ADGRG2: variants seen among roughly 807,000 people sequenced by gnomAD.
ADGRG2 encodes adhesion G protein-coupled receptor G2.
ADGRG2 carries 26 observed loss-of-function variants against 74.1 expected under a neutral mutation model. The ratio of observed to expected loss-of-function variants is 0.35; its 90% CI spans 0.26 to 0.49. ADGRG2 has a LOEUF of 0.49. Among genes scored for constraint, ADGRG2 ranks in the 20% least tolerant of loss-of-function variants. The probability of loss-of-function intolerance (pLI) is 0.99; values close to 1 mark genes in which losing one functional copy is unlikely to be tolerated. For synonymous variants in ADGRG2, 296 were observed against 295.2 expected (o/e 1.00, Z -0.03); for missense variants, 619 against 763.1 (o/e 0.81, Z 2.22).
chrX:19,018,014 GT>G (rs1367244197), intron 15 of ADGRG2, among the ~76,000 whole-genome samples: 5 of 112,117 alleles, frequency 4.5e-5, no homozygotes, highest in African/African-American at 1.6e-4. Context: ...GTCTTTTGCT[GT>G]TTTGGAGCAC....
chrX:19,068,726 A>T lies in ADGRG2; in HGVS notation c.109T>A (p.Ser37Thr), dbSNP rs2061606464. ...AAAACAGACACATTACCTTCCAGGG[A>T]TGTTACCAGAACGACATGAAGACAA... ...IICLHVVLVT[S>T]LEEDTDNSSL... Residue 37 changes from serine (S) to threonine (T), a missense_variant, in exon 3 of 29, where the codon TCC (serine) becomes ACC (threonine). This residue lies in a region of ADGRG2 where 292 missense variants were observed against 318.0 expected (regional missense o/e 0.92). Coordinates refer to ENST00000379869, the MANE Select transcript of ADGRG2 (RefSeq NM_001079858.3). 1 of 992,111 alleles carries T rather than the reference A, an allele frequency of 1.0e-6. No individual in the cohort carries two copies. Among genetic ancestry groups the T allele is most frequent in the Non-Finnish European group, 1.4e-6 (1 of 710,971 alleles). The allele number at this position is 992,111 out of a possible 1,213,427, so 81.8% of individuals were successfully genotyped here.
At chrX:19,080,984 G>A (rs2061837214) in intron 2 of ADGRG2, among the ~76,000 whole-genome samples, 1 of 110,315 alleles carries the variant, frequency 9.1e-6, no homozygotes, top group African/African-American at 3.3e-5. Flanking sequence ...TTACAAGCAA[G>A]ATTCTATGCC....
intron 3 of ADGRG2, 119 bp downstream of exon 3, chrX:19,068,598 A>C: frequency 2.4e-6 from 1 of 409,880 alleles, no homozygotes; most frequent in Non-Finnish European, 4.3e-6. Flanking sequence ...ACACTTAAAA[A>C]TGGTTAAAAT....
chrX:19,103,579 G>C (rs1011578308), intron 1 of ADGRG2, among the ~76,000 whole-genome samples: 20 of 111,441 alleles, frequency 1.8e-4, no homozygotes, highest in Non-Finnish European at 3.0e-4. Flanking sequence ...GGTCTGGATC[G>C]GGACCTCTTT....
At chrX:19,097,339 C>A (rs1173145669) in intron 1 of ADGRG2, among the ~76,000 whole-genome samples, 1 of 112,287 alleles carries the variant, frequency 8.9e-6, no homozygotes, top group Admixed American at 9.4e-5. Context: ...TGGCAAAACC[C>A]CATCTCTACT....
At chrX:19,040,923 A>G (rs972914592) in intron 3 of ADGRG2, among the ~76,000 whole-genome samples, 1 of 111,593 alleles carries the variant, frequency 9.0e-6, no homozygotes, top group African/African-American at 3.2e-5. Context: ...ACATGTTAGT[A>G]TATATTATTT....
chrX:19,054,973 C>T (rs994516237), intron 3 of ADGRG2, among the ~76,000 whole-genome samples: 7 of 111,507 alleles, frequency 6.3e-5, no homozygotes, highest in African/African-American at 2.0e-4. Context: ...TATGATGAAG[C>T]GCCCAGCTTC....
At chrX:19,114,619 G>A (rs1031751844) in intron 1 of ADGRG2, among the ~76,000 whole-genome samples, 8 of 110,627 alleles carry the variant, frequency 7.2e-5, no homozygotes, top group Non-Finnish European at 1.1e-4. Flanking sequence ...CAGCATCCTC[G>A]ACCTCTCCCC....
chrX:19,044,992 G>C (rs1384047024), intron 3 of ADGRG2, among the ~76,000 whole-genome samples: 1 of 111,790 alleles, frequency 8.9e-6, no homozygotes, highest in Non-Finnish European at 1.9e-5. Flanking sequence ...GCCCAATCTA[G>C]TCCATGAGTT....
At chrX:18,996,960 C>A (rs756546097) in intron 26 of ADGRG2, among the ~76,000 whole-genome samples, 1 of 111,946 alleles carries the variant, frequency 8.9e-6, no homozygotes, top group South Asian at 3.7e-4. Context: ...TGGTGGCTCA[C>A]GCCTGTAATC....
chrX:19,097,516 A>G (rs1224716082), intron 1 of ADGRG2, among the ~76,000 whole-genome samples: 1 of 112,400 alleles, frequency 8.9e-6, no homozygotes, highest in Non-Finnish European at 1.9e-5. Context: ...GTCTCAAAAA[A>G]AACAAAGGCA....
intron 18 of ADGRG2, among the ~76,000 whole-genome samples, chrX:19,008,665 C>CA (rs1207176577): frequency 5.8e-5 from 6 of 103,120 alleles, no homozygotes; most frequent in Middle Eastern, 4.8e-3. Flanking sequence ...GACTCCATCT[C>CA]AAAAAAAAAG....
At chrX:19,045,294 G>GTTGTTA (rs1555900997) in intron 3 of ADGRG2, among the ~76,000 whole-genome samples, 14 of 95,377 alleles carry the variant, frequency 1.5e-4, no homozygotes, top group African/African-American at 4.3e-4. Flanking sequence ...GGGGGGTGTT[G>GTTGTTA]TTATTATTAT....
At chrX:18,999,339 C>A in intron 25 of ADGRG2, 60 bp from the exon 26 acceptor site, 1 of 920,927 alleles carries the variant, frequency 1.1e-6, no homozygotes, top group South Asian at 2.5e-5. Flanking sequence ...AACTAGAGTT[C>A]AAAATGATAC....
Position 18,990,956 on chromosome X carries a change from T to C in ADGRG2, c.2962A>G (p.Asn988Asp), listed in dbSNP as rs2059912597. The C allele has an allele frequency of 8.3e-7, 1 of 1,201,511 alleles. No individual in the cohort carries two copies. Among genetic ancestry groups the C allele is most frequent in the Non-Finnish European group, 1.1e-6 (1 of 887,406 alleles). The change falls in exon 29 of 29, where the codon AAC (asparagine) becomes GAC (aspartate). Residue 988 changes from asparagine to aspartate, a missense_variant. Asn to Asp is a conservative substitution (Grantham distance 23). Around this residue, in one of 3 missense-constraint regions of ADGRG2, gnomAD observed 106 missense variants for 104.5 expected, o/e 1.01. Coordinates refer to ENST00000379869, the MANE Select transcript of ADGRG2 (RefSeq NM_001079858.3). ...CCATTGCAGGAATCTTCCTTCTCGTTAAACATGTGCTGTTTTCCAGTGAAA... is the reference window on the plus strand; with the variant it reads ...CCATTGCAGGAATCTTCCTTCTCGTCAAACATGTGCTGTTTTCCAGTGAAA... ...HDFTGKQHMFNEKEDSCNGKG... is the reference protein window; with the variant it reads ...HDFTGKQHMFDEKEDSCNGKG...
chrX:18,991,679 G>A (rs1415109237), intron 28 of ADGRG2, among the ~76,000 whole-genome samples: 1 of 112,062 alleles, frequency 8.9e-6, no homozygotes, highest in African/African-American at 3.2e-5. Context: ...GGGCACTCAA[G>A]GGTAACTGTT....
At position 19,033,623 on chromosome X, in the gene ADGRG2, G is replaced by A; in HGVS notation, c.294C>T (p.Phe98=). The A allele has an allele frequency of 1.2e-6, 1 of 832,699 alleles. No individual in the cohort carries two copies. The highest frequency in any genetic ancestry group is 1.8e-6 in the Non-Finnish European group (1 of 565,542). 68.6% of individuals were successfully genotyped at this position (832,699 alleles called of 1,213,427 possible). ...GATAATAAGTCATACCTGATGCATT[G>A]AAGGTTTTTACTATAGTGATTTTAG... is the stretch of plus-strand genomic sequence containing the variant. The part of the protein sequence containing the change: ...EKTKITIVKT[F]NASGVKPQRN... Residue 98 remains phenylalanine (F), a synonymous_variant, in exon 8 of 29, where the codon TTC becomes TTT. Coordinates refer to ENST00000379869, the MANE Select transcript of ADGRG2 (RefSeq NM_001079858.3).
intron 28 of ADGRG2, among the ~76,000 whole-genome samples, chrX:18,993,404 C>G (rs1414954682): frequency 9.1e-6 from 1 of 110,097 alleles, no homozygotes; most frequent in Non-Finnish European, 1.9e-5. Flanking sequence ...CTAGACAGGC[C>G]GGGCACAGTG....
intron 3 of ADGRG2, among the ~76,000 whole-genome samples, chrX:19,048,724 G>A (rs895506828): frequency 3.6e-5 from 4 of 112,295 alleles, no homozygotes; most frequent in African/African-American, 1.3e-4. Context: ...AATCTACGCT[G>A]CTGGTCCTGG....
Sources: gnomAD v4.1 joint callset for allele counts (sites outside exome capture counted in the v4.1 genomes callset) on GRCh38, gnomAD v4.1.1 for gene constraint, gnomAD v4.1.1 regional missense constraint, MANE v1.5 for transcripts, NCBI Gene and HGNC (gene_info 2026-07-23, HGNC 2026-07-21) for gene names.